MUC4: variants seen among roughly 807,000 people sequenced by gnomAD.
MUC4 encodes mucin 4, cell surface associated.
In MUC4, 202 loss-of-function variants were observed where a neutral mutation model predicts 257.9. The ratio of observed to expected loss-of-function variants is 0.78; its 90% CI spans 0.70 to 0.88. MUC4 has a LOEUF of 0.88. Ranked by LOEUF, MUC4 falls within the 40% of genes least tolerant of loss-of-function variation. The pLI, the probability that MUC4 is intolerant of heterozygous loss-of-function variation, is 0.00. For synonymous variants in MUC4, 2,351 were observed against 2,757.1 expected (o/e 0.85, Z 4.62); for missense variants, 5,976 against 6,513.7 (o/e 0.92, Z 2.84).
Position 195,785,764 on chromosome 3 carries a change from A to T in MUC4, c.5816T>A (p.Val1939Asp), listed in dbSNP as rs773933673. 2 of 1,485,686 alleles carry T rather than the reference A, an allele frequency of 1.3e-6. No homozygotes were observed. Among genetic ancestry groups the T allele is most frequent in the African/African-American group, 2.9e-5 (2 of 69,370 alleles). 92.0% of individuals were successfully genotyped at this position (1,485,686 alleles called of 1,614,324 possible). Residue 1939 changes from valine to aspartate, a missense_variant, in exon 2 of 25, where the codon GTC becomes GAC. Coordinates refer to ENST00000463781, the MANE Select transcript of MUC4 (RefSeq NM_018406.7). ...TGAGGATGCTGAGGAAGGGCTAGTG[A>T]CAGGAAGAGGCGTGGTGTCACCTGT... Reference protein sequence around the residue: ...ASTGDTTPLPVTSPSSASSGH... With the variant: ...ASTGDTTPLPDTSPSSASSGH...
Position 195,771,778 on chromosome 3 carries a change from G to A in MUC4, c.13116C>T (p.Asp4372=). 1 of 1,613,952 alleles carries A rather than the reference G, an allele frequency of 6.2e-7. No individual in the cohort carries two copies. Among genetic ancestry groups the A allele is most frequent in the African/African-American group, 1.3e-5 (1 of 75,026 alleles). The part of the protein sequence containing the change: ...DNGQIIFPES[D]YQIFSYPNPL... The stretch of plus-strand genomic sequence containing the variant: ...GGTTGGGGTAGGAGAAAATCTGGTA[G>A]TCTGACTCTGGGAAGATGATCTGGC... The change falls in exon 5 of 25, where the codon GAC becomes GAT. Residue 4372 remains aspartate (D), a synonymous_variant. Coordinates refer to ENST00000463781, the MANE Select transcript of MUC4 (RefSeq NM_018406.7).
chr3:195,764,069 C>T lies in MUC4; in HGVS notation c.14020G>A (p.Ala4674Thr). Residue 4674 changes from alanine (A) to threonine (T), a missense_variant, in exon 11 of 25, where the codon GCT becomes ACT. Transcript: ENST00000463781. ...CCGGGCTGTGGGGGCCTGTATGTAGCACAGCCCACGTGGGGCCGCCTCTGC... is the reference window on the plus strand; with the variant it reads ...CCGGGCTGTGGGGGCCTGTATGTAGTACAGCCCACGTGGGGCCGCCTCTGC... ...YQQRRPHVGC[A>T]TYRPPQPAWM... The T allele has an allele frequency of 6.2e-7, 1 of 1,610,724 alleles. No individual in the cohort carries two copies. The highest frequency in any genetic ancestry group is 2.2e-5 in the East Asian group (1 of 44,810).
At position 195,750,915 on chromosome 3, in the gene MUC4, C is replaced by T. The variant is rs6808605; in HGVS notation, c.15845G>A (p.Gly5282Glu). 0.12 allele frequency: 186,096 copies of T among 1,613,652 alleles called. 12,249 individuals carry two copies. The highest frequency in any genetic ancestry group is 0.25 in the Middle Eastern group (1,468 of 5,952). Residue 5282 changes from glycine to glutamate, a missense_variant, in exon 23 of 25, where the codon GGG becomes GAG. By Grantham distance (98) the Gly-to-Glu change is moderately conservative. Coordinates refer to ENST00000463781, the MANE Select transcript of MUC4 (RefSeq NM_018406.7). Reference sequence around the variant, plus strand: ...GGCTGTCACATCGCGCACGTCTTCCCCGGAGATGGGCTGGAAGACCACGTC... The same window carrying T: ...GGCTGTCACATCGCGCACGTCTTCCTCGGAGATGGGCTGGAAGACCACGTC... ...RNDVVFQPIS[G>E]EDVRDVTALN...
rs1395439103 is a variant in MUC4, at chr3:195,781,109, C to A, written c.10471G>T (p.Val3491Phe). The A allele has an allele frequency of 6.1e-6, 9 of 1,485,806 alleles. No individual in the cohort carries two copies. The highest frequency in any genetic ancestry group is 6.3e-6 in the Non-Finnish European group (7 of 1,109,254). 92.0% of individuals were successfully genotyped at this position (1,485,806 alleles called of 1,614,324 possible). A position where few individuals can be genotyped will look rare whatever the true frequency, so the allele number is the denominator to read the frequency against. ...GTGGATGCTGAGGAAGGGATGGTGA[C>A]ATGAAGAGGGGTGGTGTGACCTGTA... ...ASTGHTTPLH[V>F]TIPSSASTGD... Residue 3491 changes from valine (V) to phenylalanine (F), a missense_variant, in exon 2 of 25, where the codon GTC (valine) becomes TTC (phenylalanine). By Grantham distance (50) the Val-to-Phe change is conservative (BLOSUM62 -1). Transcript: ENST00000463781.
rs1410916463 is a variant in MUC4, at chr3:195,764,982, C to G, written c.13924+15G>C. The stretch of plus-strand genomic sequence containing the variant: ...TTGGCCGGGAAGGTGGGGTTGAGAT[C>G]ACGGACTCACGCACCCAACTGCCAA... On this transcript the variant is annotated intron_variant, in intron 10 of 24. Transcript: ENST00000463781. 6.2e-7 allele frequency: 1 copy of G among 1,612,114 alleles called. No individual in the cohort carries two copies. Among genetic ancestry groups the G allele is most frequent in the Non-Finnish European group, 8.5e-7 (1 of 1,178,972 alleles).
Position 195,747,045 on chromosome 3 carries a change from T to G in MUC4, c.*131A>C, listed in dbSNP as rs1348883100. ...TATAGTCTTGTCTTGATTCCCAGTA[T>G]TCATTCTCCTTGAAGAATCCTGACA... On this transcript the variant is annotated 3_prime_UTR_variant, in exon 25 of 25. Coordinates refer to ENST00000463781, the MANE Select transcript of MUC4 (RefSeq NM_018406.7). 44 of 1,264,232 alleles carry G rather than the reference T, an allele frequency of 3.5e-5. No individual in the cohort carries two copies. Among genetic ancestry groups the G allele is most frequent in the Non-Finnish European group, 4.7e-5 (42 of 889,754 alleles). 78.3% of individuals were successfully genotyped at this position (1,264,232 alleles called of 1,614,324 possible).
intron 12 of MUC4, 25 bp from the exon 13 acceptor site, chr3:195,762,970 G>A: frequency 6.6e-7 from 1 of 1,511,934 alleles, no homozygotes; most frequent in Non-Finnish European, 9.0e-7. Context: ...GAGGGGGCCT[G>A]AGCCCGACCC....
Position 195,790,417 on chromosome 3 carries a change from A to G in MUC4, c.1163T>C (p.Leu388Pro). The G allele has an allele frequency of 4.3e-6, 7 of 1,613,680 alleles. No individual in the cohort carries two copies. Among genetic ancestry groups the G allele is most frequent in the Non-Finnish European group, 5.1e-6 (6 of 1,179,596 alleles). Reference sequence around the variant, plus strand: ...CATTCTGAACACCTTTGATGTTACCAGGAATGTATTGCTGACACTGGAAGG... The same window carrying G: ...CATTCTGAACACCTTTGATGTTACCGGGAATGTATTGCTGACACTGGAAGG... Reference protein sequence around the residue: ...SSPSSVSNTFLVTSKVFRMPT... With the variant: ...SSPSSVSNTFPVTSKVFRMPT... The change falls in exon 2 of 25, where the codon CTG becomes CCG. Residue 388 changes from leucine (L) to proline (P), a missense_variant. Physicochemically the swap from Leu to Pro is moderately conservative, Grantham distance 98. Transcript: ENST00000463781.
rs1217189945 is a variant in MUC4 at position 195,781,727 on chromosome 3, C to G, written c.9853G>C (p.Asp3285His). Residue 3285 changes from aspartate to histidine, a missense_variant, in exon 2 of 25, where the codon GAC becomes CAC. Physicochemically the swap from Asp to His is moderately conservative, Grantham distance 81. Around this residue, in one of 44 missense-constraint regions of MUC4, gnomAD observed 51 missense variants for 66.9 expected, o/e 0.76. Coordinates refer to ENST00000463781, the MANE Select transcript of MUC4 (RefSeq NM_018406.7). ...TCACCTGTGGATGATGAGGAAGTGTCGGTGACAGGAAGAGAGGTGGTGTCA... is the reference window on the plus strand; with the variant it reads ...TCACCTGTGGATGATGAGGAAGTGTGGGTGACAGGAAGAGAGGTGGTGTCA... ...TGDTTSLPVT[D>H]TSSSSTGDTT... The G allele has an allele frequency of 6.9e-7, 1 of 1,450,822 alleles. No homozygotes were observed. Among genetic ancestry groups the G allele is most frequent in the African/African-American group, 2.0e-5 (1 of 49,630 alleles). The allele number at this position is 1,450,822 out of a possible 1,614,324, so 89.9% of individuals were successfully genotyped here.
Position 195,766,715 on chromosome 3 carries a change from G to A in MUC4, c.13566C>T (p.Ser4522=), listed in dbSNP as rs201265614. The A allele has an allele frequency of 1.1e-3, 1,837 of 1,614,202 alleles. 31 individuals are homozygous for A. In the South Asian group the frequency reaches 0.019, roughly 17 times the overall value. The change falls in exon 8 of 25, where the codon TCC becomes TCT. Residue 4522 remains serine, a synonymous_variant. Transcript: ENST00000463781. ...DGYFENSPLM[S]QPVWERYRPD... ...GGCGATACCTCTCCCACACTGGCTGGGACATCAGTGGGCTGTTTTCGAAAT... is the reference window on the plus strand; with the variant it reads ...GGCGATACCTCTCCCACACTGGCTGAGACATCAGTGGGCTGTTTTCGAAAT...
intron 5 of MUC4, 66 bp downstream of exon 5, chr3:195,771,586 A>G: frequency 2.6e-6 from 4 of 1,565,432 alleles, no homozygotes; most frequent in Non-Finnish European, 3.5e-6. Flanking sequence ...AAAGCCTTCC[A>G]CACAGCTCTT....
chr3:195,760,449 G>C (rs866086583), intron 16 of MUC4, among the ~76,000 whole-genome samples: 4 of 151,974 alleles, frequency 2.6e-5, no homozygotes, highest in Admixed American at 6.6e-5. Context: ...TGCGGGGCTG[G>C]AGTGCAGGGA....
rs371902592 is a variant in MUC4 at position 195,778,833 on chromosome 3, A to G, written c.12747T>C (p.Ala4249=). The part of the protein sequence containing the change: ...TPLAVSSATS[A]STVSSDSPLK... ...GAGGGGAGTCCGAGGATACTGTGGA[A>G]GCTGAGGTAGCACTGCTGACAGCAA... The change falls in exon 2 of 25, where the codon GCT becomes GCC. Residue 4249 remains alanine, a synonymous_variant. Transcript: ENST00000463781. 1.2e-5 allele frequency: 19 copies of G among 1,611,884 alleles called. No homozygotes were observed. The African/African-American group carries it at 2.1e-4, about 18-fold the overall frequency.
intron 7 of MUC4, 71 bp downstream of exon 7, chr3:195,768,951 G>T: frequency 1.9e-6 from 3 of 1,545,504 alleles, no homozygotes; most frequent in Non-Finnish European, 2.6e-6. Context: ...ATGGGAGTGT[G>T]TGTGCAGCGA....
chr3:195,771,707 G>A lies in MUC4; in HGVS notation c.13187C>T (p.Ala4396Val), dbSNP rs765093267. Residue 4396 changes from alanine to valine, a missense_variant, in exon 5 of 25, where the codon GCT (alanine) becomes GTT (valine). Physicochemically the swap from Ala to Val is moderately conservative, Grantham distance 64. Transcript: ENST00000463781. Reference protein sequence around the residue: ...FTGRDPVALVAPFWDDADFST... With the variant: ...FTGRDPVALVVPFWDDADFST... Reference sequence around the variant, plus strand: ...GAAGTCAGCATCGTCCCAGAACGGAGCCACCAGGGCCACAGGGTCCCGGCC... The same window carrying A: ...GAAGTCAGCATCGTCCCAGAACGGAACCACCAGGGCCACAGGGTCCCGGCC... 2 of 1,613,940 alleles carry A rather than the reference G, an allele frequency of 1.2e-6. No individual in the cohort carries two copies. The highest frequency in any genetic ancestry group is 1.7e-6 in the Non-Finnish European group (2 of 1,179,862).
Position 195,784,572 on chromosome 3 carries a change from A to T in MUC4, c.7008T>A (p.Pro2336=), listed in dbSNP as rs1367573797. ...LSSASTGDTT[P]LPVTSPSSAS... ...CTGAGGAAGGGCTAGTGACAGGAAG[A>T]GGCGTGGTGTCACCTGTGGATGCTG... is the stretch of plus-strand genomic sequence containing the variant. The change falls in exon 2 of 25, where the codon CCT becomes CCA. Residue 2336 remains proline, a synonymous_variant. Coordinates refer to ENST00000463781, the MANE Select transcript of MUC4 (RefSeq NM_018406.7). 2 of 1,455,524 alleles carry T rather than the reference A, an allele frequency of 1.4e-6. No individual in the cohort carries two copies. Among genetic ancestry groups the T allele is most frequent in the Non-Finnish European group, 1.9e-6 (2 of 1,078,240 alleles). 90.2% of individuals were successfully genotyped at this position (1,455,524 alleles called of 1,614,324 possible).
At chr3:195,808,375 C>G (rs1000109363) in intron 1 of MUC4, among the ~76,000 whole-genome samples, 4 of 152,138 alleles carry the variant, frequency 2.6e-5, no homozygotes, top group African/African-American at 9.7e-5. Flanking sequence ...GCCACCACGC[C>G]CGGCAAAATT....
chr3:195,789,413 T>C lies in MUC4; in HGVS notation c.2167A>G (p.Thr723Ala), dbSNP rs1255598695. The C allele has an allele frequency of 2.5e-6, 4 of 1,613,834 alleles. No homozygotes were observed. Among genetic ancestry groups the C allele is most frequent in the Non-Finnish European group, 3.4e-6 (4 of 1,179,854 alleles). Residue 723 changes from threonine to alanine, a missense_variant, in exon 2 of 25, where the codon ACC becomes GCC. Physicochemically the swap from Thr to Ala is moderately conservative, Grantham distance 58. Transcript: ENST00000463781. The stretch of plus-strand genomic sequence containing the variant: ...GACGTGCCTCCTGAGGGCCCCAGGG[T>C]GGCATCATGGCTGCTGGGTGCTGCC... ...LQAAPSSHDA[T>A]LGPSGGTSLS... is the part of the protein sequence containing the mutation.
rs1167239179 is a variant in MUC4, at chr3:195,789,341, T to C, written c.2239A>G (p.Thr747Ala). The C allele has an allele frequency of 1.2e-6, 2 of 1,613,900 alleles. No individual in the cohort carries two copies. Among genetic ancestry groups the C allele is most frequent in the Non-Finnish European group, 1.7e-6 (2 of 1,179,870 alleles). Residue 747 changes from threonine (T) to alanine (A), a missense_variant, in exon 2 of 25, where the codon ACA (threonine) becomes GCA (alanine). Transcript: ENST00000463781. ...ALTLANSVVS[T>A]PGGPEGQWTS... ...CATTGTCCTTCTGGGCCCCCTGGTG[T>C]TGACACTACAGAGTTGGCCAGAGTA...
Sources: allele counts gnomAD v4.1 joint callset (sites outside exome capture counted in the v4.1 genomes callset), GRCh38; gene constraint gnomAD v4.1.1; regional missense constraint gnomAD v4.1.1; transcripts MANE v1.5; gene names NCBI Gene and HGNC (gene_info 2026-07-23, HGNC 2026-07-21).